BCL2L1: variants seen among roughly 807,000 people sequenced by gnomAD.
BCL2L1 encodes the protein BCL2 like 1.
BCL2L1 carries 1 observed loss-of-function variant against 18.7 expected under a neutral mutation model. That is an observed-to-expected ratio of 0.05 (90% confidence interval 0.02 to 0.25). The LOEUF (loss-of-function observed/expected upper bound fraction) is 0.25. Among genes scored for constraint, BCL2L1 ranks in the 10% least tolerant of loss-of-function variants. The pLI is 1.00. For missense variants in BCL2L1, 207 were observed against 304.9 expected, an observed-to-expected ratio of 0.68 and a Z score of 2.39; for synonymous variants, 103 against 122.7, an observed-to-expected ratio of 0.84 and a Z score of 1.06.
intron 2 of BCL2L1, among the ~76,000 whole-genome samples, chr20:31,694,504 C>T (rs2061135698): frequency 6.6e-6 from 1 of 152,088 alleles, no homozygotes; most frequent in Admixed American, 6.6e-5. Flanking sequence ...TCTGAGCTGC[C>T]TCTTGGAGGG....
chr20:31,690,755 C>CACATGCT (rs1196328262), intron 2 of BCL2L1, among the ~76,000 whole-genome samples: 1 of 152,072 alleles, frequency 6.6e-6, no homozygotes, highest in South Asian at 2.1e-4. Context: ...AACTCTCTCC[C>CACATGCT]ACATGCTGGC....
At chr20:31,723,752 C>T (rs1266192805), upstream of BCL2L1, 2 of 985,412 alleles carry the variant, frequency 2.0e-6, no homozygotes, top group Non-Finnish European at 2.4e-6. Context: ...CCCCGCGAGC[C>T]GTGGGGGGCC....
chr20:31,675,932 TCCA>T (rs1055945069), intron 2 of BCL2L1, among the ~76,000 whole-genome samples: 2 of 152,166 alleles, frequency 1.3e-5, no homozygotes, highest in Non-Finnish European at 2.9e-5. Context: ...CCTCTCCTCC[TCCA>T]CCTCCTCCCC....
At chr20:31,688,444 C>CAAAAAAAAAAAAAAA (rs11362299) in intron 2 of BCL2L1, among the ~76,000 whole-genome samples, 1 of 86,688 alleles carries the variant, frequency 1.2e-5, no homozygotes, top group Non-Finnish European at 2.5e-5. Flanking sequence ...ACTCTGTCTC[C>CAAAAAAAAAAAAAAA]AAAAAAAAAA....
intron 2 of BCL2L1, among the ~76,000 whole-genome samples, chr20:31,687,506 T>C (rs2060979108): frequency 6.6e-6 from 1 of 150,922 alleles, no homozygotes; most frequent in Admixed American, 6.6e-5. Flanking sequence ...AAACCCCTTC[T>C]CTACTAAAAA....
chr20:31,691,152 C>CAAAAAAAAAAAAAAAAAAAAAAA (rs539012918), intron 2 of BCL2L1, among the ~76,000 whole-genome samples: 1 of 24,840 alleles, frequency 4.0e-5, no homozygotes, highest in Non-Finnish European at 7.6e-5. Flanking sequence ...GACTCTGTCT[C>CAAAAAAAAAAAAAAAAAAAAAAA]AAAAAAAAAA....
chr20:31,721,583 C>T, intron 2 of BCL2L1, 72 bp downstream of exon 2: 2 of 1,490,400 alleles, frequency 1.3e-6, no homozygotes, highest in East Asian at 2.3e-5. Flanking sequence ...GAAAGAGATA[C>T]AGAAGAAGGG....
At chr20:31,683,049 C>T (rs1006467031) in intron 2 of BCL2L1, among the ~76,000 whole-genome samples, 5 of 152,294 alleles carry the variant, frequency 3.3e-5, no homozygotes, top group East Asian at 3.9e-4. Context: ...CTCCATGGTT[C>T]CTTCACCACA....
At chr20:31,713,631 C>T (rs183233493) in intron 2 of BCL2L1, 44 of 972,340 alleles carry the variant, frequency 4.5e-5, no homozygotes, top group Admixed American at 1.2e-4. Flanking sequence ...AAATAGCAGA[C>T]GGTCCCAAAG....
At chr20:31,723,584 G>A (rs2061670994), upstream of BCL2L1, 3 of 984,780 alleles carry the variant, frequency 3.0e-6, no homozygotes, top group South Asian at 4.7e-5. Context: ...CCCCGGGGGC[G>A]CCCCCTAGAC....
chr20:31,684,746 T>G (rs546975685), intron 2 of BCL2L1, among the ~76,000 whole-genome samples: 54 of 152,258 alleles, frequency 3.5e-4, no homozygotes, highest in African/African-American at 1.3e-3. Context: ...CCATTTCCCA[T>G]CTTTGAGGGG....
At chr20:31,709,676 A>C (rs1011951971) in intron 2 of BCL2L1, among the ~76,000 whole-genome samples, 1 of 151,696 alleles carries the variant, frequency 6.6e-6, no homozygotes, top group African/African-American at 2.4e-5. Context: ...TACTAAAAAT[A>C]CAAAAAAAAT....
At position 31,697,892 on chromosome 20, in the gene BCL2L1, G is replaced by GTTTTTTGTTTTTTGTTTTTTTTTT. The variant is rs1555871495; in HGVS notation, c.564+23762_564+23763insAAAAAAAAAACAAAAAACAAAAAA. Among the ~76,000 whole-genome samples the GTTTTTTGTTTTTTGTTTTTTTTTT allele has an allele frequency of 4.4e-4, 57 of 129,640 alleles. 1 individual carries two copies. The highest frequency in any genetic ancestry group is 1.7e-3 in the African/African-American group (52 of 30,498). The allele number at this position is 129,640 out of a possible 152,430, so 85.0% of individuals were successfully genotyped here. A position where few individuals can be genotyped will look rare whatever the true frequency, so the allele number is the denominator to read the frequency against. On this transcript the variant is annotated intron_variant, in intron 2 of 2. Transcript: ENST00000307677. ...AGAATCCTCAGCATGTGCTGTTGCT[G>GTTTTTTGTTTTTTGTTTTTTTTTT]TTTTTTTTTTTTTGAGACGGAGTCT...
intron 2 of BCL2L1, among the ~76,000 whole-genome samples, chr20:31,671,669 G>A (rs746414454): frequency 1.3e-5 from 2 of 151,990 alleles, no homozygotes; most frequent in African/African-American, 4.8e-5. Flanking sequence ...TTATGTTCTA[G>A]TCCATTCTCA....
At chr20:31,676,910 G>A (rs779731039) in intron 2 of BCL2L1, among the ~76,000 whole-genome samples, 19 of 152,160 alleles carry the variant, frequency 1.2e-4, no homozygotes, top group Non-Finnish European at 2.6e-4. Context: ...CTGTCAGGGA[G>A]CTGATGCTCG....
At chr20:31,667,318 G>A (rs185897597) in intron 2 of BCL2L1, among the ~76,000 whole-genome samples, 376 of 152,020 alleles carry the variant, frequency 2.5e-3, no homozygotes, top group African/African-American at 8.5e-3. Flanking sequence ...AAAATTAGCC[G>A]GGTGTGGTGG....
chr20:31,710,903 C>T (rs1429505891), intron 2 of BCL2L1, among the ~76,000 whole-genome samples: 1 of 152,172 alleles, frequency 6.6e-6, no homozygotes, highest in East Asian at 1.9e-4. Context: ...CTCACCCAAC[C>T]GCGGGCCCTG....
At chr20:31,693,049 C>T (rs2061105425) in intron 2 of BCL2L1, among the ~76,000 whole-genome samples, 1 of 138,008 alleles carries the variant, frequency 7.2e-6, no homozygotes, top group Non-Finnish European at 1.5e-5. Flanking sequence ...CCAGCCTGGG[C>T]GAGAAAGTGG....
chr20:31,710,601 A>AGGGTGGAGGCCTCT (rs1293510552), intron 2 of BCL2L1, among the ~76,000 whole-genome samples: 21 of 152,168 alleles, frequency 1.4e-4, no homozygotes, highest in African/African-American at 5.1e-4. Flanking sequence ...ATACAGGCTG[A>AGGGTGGAGGCCTCT]GGGTGGAGGC....
Sources: gnomAD v4.1 joint callset for allele counts (sites outside exome capture counted in the v4.1 genomes callset) on GRCh38, gnomAD v4.1.1 for gene constraint, MANE v1.5 for transcripts, NCBI Gene and HGNC (gene_info 2026-07-23, HGNC 2026-07-21) for gene names.